Variants in BAG3 observed in about 807,000 individuals in gnomAD.
The protein encoded by BAG3 is BAG family molecular chaperone regulator 3.
In BAG3, 14 loss-of-function variants were observed where a neutral mutation model predicts 40.5. That is an observed-to-expected ratio of 0.35 (90% CI 0.23 to 0.54). The LOEUF is 0.54. Ranked by LOEUF, BAG3 falls within the 20% of genes least tolerant of loss-of-function variation. The pLI, the probability that BAG3 is intolerant of heterozygous loss-of-function variation, is 0.91. For synonymous variants in BAG3, 302 were observed against 307.8 expected, an observed-to-expected ratio of 0.98 and a Z score of 0.20; for missense variants, 788 against 758.6, an observed-to-expected ratio of 1.04 and a Z score of -0.46.
Position 119,651,840 on chromosome 10 carries a change from C to T in BAG3, c.165C>T (p.Pro55=), listed in dbSNP as rs988033291. 1.3e-6 allele frequency: 2 copies of T among 1,583,938 alleles called. No individual in the cohort carries two copies. Among genetic ancestry groups the T allele is most frequent in the Admixed American group, 1.8e-5 (1 of 56,712 alleles). The change falls in exon 1 of 4, where the codon CCC becomes CCT. Residue 55 remains proline (P), a synonymous_variant. Coordinates refer to ENST00000369085, the MANE Select transcript of BAG3 (RefSeq NM_004281.4). The part of the protein sequence containing the change: ...RTTTWNDPRV[P]SEGPKETPSS... ...CTACGTGGAACGACCCGCGCGTGCCCTCTGAGGGCCCCAAGGTGAGCCGGG... is the reference window on the plus strand; with the variant it reads ...CTACGTGGAACGACCCGCGCGTGCCTTCTGAGGGCCCCAAGGTGAGCCGGG...
At chr10:119,671,929 C>T (rs1233556871) in intron 2 of BAG3, among the ~76,000 whole-genome samples, 3 of 152,276 alleles carry the variant, frequency 2.0e-5, no homozygotes, top group Admixed American at 2.0e-4. Context: ...GCTGGCACTA[C>T]AGGCATGCGC....
chr10:119,677,287 T>G lies in BAG3; in HGVS notation c.*5T>G. ...GGTAACCCAGCAGCACCGTAGCCTC[T>G]GCCCTGTAAAAATCAGACTCGGAAC... On this transcript the variant is annotated 3_prime_UTR_variant, in exon 4 of 4. Coordinates refer to ENST00000369085, the MANE Select transcript of BAG3 (RefSeq NM_004281.4). 1 of 1,613,786 alleles carries G rather than the reference T, an allele frequency of 6.2e-7. No homozygotes were observed.
Position 119,651,865 on chromosome 10 carries a change from G to C in BAG3, c.180+10G>C, listed in dbSNP as rs1060504721. On this transcript the variant is annotated intron_variant, in intron 1 of 3. Coordinates refer to ENST00000369085, the MANE Select transcript of BAG3 (RefSeq NM_004281.4). ...CTCTGAGGGCCCCAAGGTGAGCCGGGCCCGCGGCCCGCCCTGGTCGGTGGC... is the reference window on the plus strand; with the variant it reads ...CTCTGAGGGCCCCAAGGTGAGCCGGCCCCGCGGCCCGCCCTGGTCGGTGGC... The C allele has an allele frequency of 1.9e-6, 3 of 1,545,890 alleles. No individual in the cohort carries two copies. Among genetic ancestry groups the C allele is most frequent in the Admixed American group, 1.9e-5 (1 of 51,674 alleles).
At chr10:119,669,804 AC>A in intron 1 of BAG3, 46 bp from the exon 2 acceptor site, 1 of 1,573,732 alleles carries the variant, frequency 6.4e-7, no homozygotes, top group Non-Finnish European at 8.7e-7. Flanking sequence ...AGGAGGGTTC[AC>A]TTCCCAGTTT....
At chr10:119,665,530 C>A (rs111919383) in intron 1 of BAG3, among the ~76,000 whole-genome samples, 1 of 152,030 alleles carries the variant, frequency 6.6e-6, no homozygotes, top group Admixed American at 6.5e-5. Context: ...CCACCCGCCT[C>A]GGCCTCCCAA....
chr10:119,656,695 C>T (rs1846917702), intron 1 of BAG3: 1 of 152,112 alleles, frequency 6.6e-6, no homozygotes, highest in Non-Finnish European at 1.5e-5. Flanking sequence ...GGGACCTTGG[C>T]AGCCTTTTAG....
intron 2 of BAG3, among the ~76,000 whole-genome samples, chr10:119,670,936 C>T (rs941795321): frequency 7.2e-5 from 11 of 152,182 alleles, no homozygotes; most frequent in African/African-American, 2.4e-4. Context: ...CACAAACTCC[C>T]GTGTCCTATC....
chr10:119,651,948 G>GGGCCCGGGGGTCGGCGAA, intron 1 of BAG3, 93 bp downstream of exon 1: 5 of 1,123,546 alleles, frequency 4.5e-6, no homozygotes, highest in Non-Finnish European at 5.6e-6. Context: ...CGAGGCGGCG[G>GGGCCCGGGGGTCGGCGAA]GGCCCGGGGG....
intron 2 of BAG3, 31 bp downstream of exon 2, chr10:119,670,208 G>A (rs1847129763): frequency 1.9e-6 from 3 of 1,581,756 alleles, no homozygotes; most frequent in South Asian, 2.3e-5. Flanking sequence ...CCAGCCTGCT[G>A]GGGAGCAAGC....
intron 1 of BAG3, among the ~76,000 whole-genome samples, chr10:119,669,340 C>T (rs1847108760): frequency 6.6e-6 from 1 of 152,308 alleles, no homozygotes; most frequent in Admixed American, 6.5e-5. Flanking sequence ...GCAGCCCTCG[C>T]TCCCCAGCCC....
intron 1 of BAG3, among the ~76,000 whole-genome samples, chr10:119,658,870 T>C (rs1479988623): frequency 1.3e-5 from 2 of 152,290 alleles, no homozygotes; most frequent in East Asian, 3.9e-4. Context: ...AACTGATGCA[T>C]GCGTGGAACT....
At chr10:119,662,595 C>G (rs1379826731) in intron 1 of BAG3, among the ~76,000 whole-genome samples, 1 of 152,116 alleles carries the variant, frequency 6.6e-6, no homozygotes, top group Non-Finnish European at 1.5e-5. Context: ...CTACTTAATA[C>G]CCCAGGCCTG....
chr10:119,673,614 GC>G (rs1484089634), intron 3 of BAG3, among the ~76,000 whole-genome samples: 2 of 152,192 alleles, frequency 1.3e-5, no homozygotes, highest in African/African-American at 2.4e-5. Context: ...AAAAAGGAAA[GC>G]CCCCCGTGAA....
chr10:119,663,704 T>C (rs1216966344), intron 1 of BAG3, among the ~76,000 whole-genome samples: 4 of 152,188 alleles, frequency 2.6e-5, no homozygotes, highest in Non-Finnish European at 5.9e-5. Context: ...TAGTCGTTTT[T>C]AGATTTCTGT....
At chr10:119,670,431 C>T (rs548986313) in intron 2 of BAG3, among the ~76,000 whole-genome samples, 37 of 152,340 alleles carry the variant, frequency 2.4e-4, no homozygotes, top group South Asian at 1.0e-3. Context: ...AGCTAAGGAA[C>T]GGCTCGGAAG....
At position 119,651,733 on chromosome 10, in the gene BAG3, G is replaced by A. The variant is rs1846842832; in HGVS notation, c.58G>A (p.Asp20Asn). 1.3e-6 allele frequency: 2 copies of A among 1,597,784 alleles called. No individual in the cohort carries two copies. ...MQVASGNGDRDPLPPGWEIKI... is the reference protein window; with the variant it reads ...MQVASGNGDRNPLPPGWEIKI... ...GGTGGCGTCCGGCAACGGTGACCGCGACCCTTTGCCCCCCGGATGGGAGAT... is the reference window on the plus strand; with the variant it reads ...GGTGGCGTCCGGCAACGGTGACCGCAACCCTTTGCCCCCCGGATGGGAGAT... The change falls in exon 1 of 4, where the codon GAC (aspartate) becomes AAC (asparagine). Residue 20 changes from aspartate to asparagine, a missense_variant. Physicochemically the swap from Asp to Asn is conservative, Grantham distance 23. Transcript: ENST00000369085.
intron 1 of BAG3, among the ~76,000 whole-genome samples, chr10:119,664,474 A>G (rs1847032634): frequency 6.6e-6 from 1 of 152,204 alleles, no homozygotes; most frequent in Non-Finnish European, 1.5e-5. Context: ...TTTGTATAAT[A>G]TGTGTTCCTG....
rs1847256884 is a variant in BAG3 at position 119,677,448 on chromosome 10, G to C, written c.*166G>C. Reference sequence around the variant, plus strand: ...TAAAAGGGCTAAAAAGGAAAATGATGCTTTTCTTCTATATTCTTACTCTGT... The same window carrying C: ...TAAAAGGGCTAAAAAGGAAAATGATCCTTTTCTTCTATATTCTTACTCTGT... On this transcript the variant is annotated 3_prime_UTR_variant, in exon 4 of 4. Coordinates refer to ENST00000369085, the MANE Select transcript of BAG3 (RefSeq NM_004281.4). 1 of 821,704 alleles carries C rather than the reference G, an allele frequency of 1.2e-6. No individual in the cohort carries two copies. The highest frequency in any genetic ancestry group is 1.7e-5 in the African/African-American group (1 of 58,882). 50.9% of individuals were successfully genotyped at this position (821,704 alleles called of 1,614,324 possible). A position where few individuals can be genotyped will look rare whatever the true frequency, so the allele number is the denominator to read the frequency against.
rs868224153 is a variant in BAG3, at chr10:119,672,597, A to G, written c.850A>G (p.Ser284Gly). The change falls in exon 3 of 4, where the codon AGC (serine) becomes GGC (glycine). Residue 284 changes from serine to glycine, a missense_variant. Coordinates refer to ENST00000369085, the MANE Select transcript of BAG3 (RefSeq NM_004281.4). This position sits in a 1 kb window ranked among gnomAD's most constrained non-coding sequence, Gnocchi z 4.8. ...CCGGGAGGGCTCACCAGCCAGGAGC[A>G]GCACGCCACTCCACTCCCCCTCGCC... Reference protein sequence around the residue: ...SSREGSPARSSTPLHSPSPIR... With the variant: ...SSREGSPARSGTPLHSPSPIR... 1.2e-6 allele frequency: 2 copies of G among 1,614,058 alleles called. No homozygotes were observed. Among genetic ancestry groups the G allele is most frequent in the African/African-American group, 1.3e-5 (1 of 74,940 alleles).
Sources: gnomAD v4.1 joint callset for allele counts (sites outside exome capture counted in the v4.1 genomes callset) on GRCh38, gnomAD v4.1.1 for gene constraint, Gnocchi (gnomAD v3.1) non-coding constraint, MANE v1.5 for transcripts, NCBI Gene and HGNC (gene_info 2026-07-23, HGNC 2026-07-21) for gene names.